Variants in GRIN2A observed in about 807,000 individuals in gnomAD.
The protein encoded by GRIN2A is glutamate receptor ionotropic, NMDA 2A.
A neutral mutation model predicts 113.4 loss-of-function variants in GRIN2A; 22 were observed. The ratio of observed to expected loss-of-function variants is 0.19; its 90% CI spans 0.14 to 0.28. GRIN2A has a LOEUF of 0.28. Among genes scored for constraint, GRIN2A ranks in the 10% least tolerant of loss-of-function variants. GRIN2A has a pLI of 1.00. For missense variants in GRIN2A, 1,502 were observed against 1,887.0 expected, an observed-to-expected ratio of 0.80 and a Z score of 3.78; for synonymous variants, 827 against 738.4, an observed-to-expected ratio of 1.12 and a Z score of -1.94.
chr16:9,930,167 C>CA (rs1024985382), intron 3 of GRIN2A, among the ~76,000 whole-genome samples: 1 of 152,156 alleles, frequency 6.6e-6, no homozygotes, highest in Admixed American at 6.5e-5. Context: ...CTCATGGGTC[C>CA]ATCAGGCCTA....
At chr16:10,036,078 A>G (rs912169490) in intron 2 of GRIN2A, among the ~76,000 whole-genome samples, 13 of 152,196 alleles carry the variant, frequency 8.5e-5, no homozygotes, top group Non-Finnish European at 1.8e-4. Flanking sequence ...GCTTTCAGGT[A>G]AAAACGATGA....
chr16:9,880,194 G>A (rs1472525355), intron 4 of GRIN2A, among the ~76,000 whole-genome samples: 2 of 152,050 alleles, frequency 1.3e-5, no homozygotes, highest in African/African-American at 4.8e-5. Context: ...TCAGATTGTT[G>A]GGCAAGCTCA....
chr16:9,778,046 C>T (rs1389458660), intron 11 of GRIN2A, among the ~76,000 whole-genome samples: 2 of 152,156 alleles, frequency 1.3e-5, no homozygotes, highest in African/African-American at 4.8e-5. Context: ...GCCTGGGCAA[C>T]AAGAGTGAAA....
chr16:9,877,854 C>T (rs550470674), intron 4 of GRIN2A, among the ~76,000 whole-genome samples: 4 of 94,938 alleles, frequency 4.2e-5, no homozygotes, highest in African/African-American at 2.4e-4. Flanking sequence ...CTCCCTAGCC[C>T]TCTCCCTGCC....
intron 2 of GRIN2A, among the ~76,000 whole-genome samples, chr16:10,106,381 T>G (rs990162046): frequency 8.6e-5 from 13 of 151,970 alleles, no homozygotes; most frequent in African/African-American, 3.1e-4. Context: ...GGCAATATAT[T>G]GAGACCCTGT....
intron 2 of GRIN2A, among the ~76,000 whole-genome samples, chr16:10,099,052 A>G (rs1171691588): frequency 6.6e-6 from 1 of 152,198 alleles, no homozygotes; most frequent in Non-Finnish European, 1.5e-5. Context: ...AATAATTTAG[A>G]AAATGCTCAA....
chr16:10,011,908 A>C (rs757575384), intron 2 of GRIN2A, among the ~76,000 whole-genome samples: 1 of 151,886 alleles, frequency 6.6e-6, no homozygotes, highest in African/African-American at 2.4e-5. Context: ...TCACCCTATA[A>C]CTCTTGTCTC....
intron 2 of GRIN2A, among the ~76,000 whole-genome samples, chr16:10,029,289 G>C (rs914503365): frequency 2.6e-5 from 4 of 152,038 alleles, no homozygotes; most frequent in African/African-American, 9.7e-5. Context: ...CCGCCTTCCA[G>C]GTTCAAGGGA....
At chr16:9,881,785 GTCTTTC>G (rs2043486101) in intron 4 of GRIN2A, among the ~76,000 whole-genome samples, 1 of 152,198 alleles carries the variant, frequency 6.6e-6, no homozygotes, top group African/African-American at 2.4e-5. Context: ...GGCTGCTATT[GTCTTTC>G]TAAGCAAAGA....
rs183826877 is a variant in GRIN2A, at chr16:9,977,326, C to T, written c.415-38775G>A. 1.3e-3 allele frequency among the ~76,000 whole-genome samples: 194 copies of T among 151,750 alleles called. 2 individuals are homozygous for T. Among genetic ancestry groups the T allele is most frequent in the African/African-American group, 4.3e-3 (176 of 41,308 alleles). On this transcript the variant is annotated intron_variant, in intron 2 of 12. Coordinates refer to ENST00000330684, the MANE Select transcript of GRIN2A (RefSeq NM_001134407.3). ...AAGGGGGGAGGGAGGGAGGACTGACCGGAGTTTGAATCCTGGGTTTATCAT... is the reference window on the plus strand; with the variant it reads ...AAGGGGGGAGGGAGGGAGGACTGACTGGAGTTTGAATCCTGGGTTTATCAT...
intron 2 of GRIN2A, among the ~76,000 whole-genome samples, chr16:10,076,372 C>T (rs996608742): frequency 6.6e-6 from 1 of 152,194 alleles, no homozygotes; most frequent in Non-Finnish European, 1.5e-5. Flanking sequence ...CACAAAACCC[C>T]TAGCCACAAT....
At chr16:10,023,543 T>G (rs958760520) in intron 2 of GRIN2A, among the ~76,000 whole-genome samples, 2 of 152,216 alleles carry the variant, frequency 1.3e-5, no homozygotes, top group Admixed American at 1.3e-4. Flanking sequence ...TTTTCTACTC[T>G]TACTGCTGAT....
At position 9,762,883 on chromosome 16, in the gene GRIN2A, G is replaced by A; in HGVS notation, c.*266C>T. ...CAACATACCCAGTAGGCATGTCCCG[G>A]AGACTTGCCCTTATGTAGTTAGTTA... On this transcript the variant is annotated 3_prime_UTR_variant, in exon 13 of 13. Coordinates refer to ENST00000330684, the MANE Select transcript of GRIN2A (RefSeq NM_001134407.3). 1 of 549,342 alleles carries A rather than the reference G, an allele frequency of 1.8e-6. No homozygotes were observed. Among genetic ancestry groups the A allele is most frequent in the South Asian group, 2.3e-5 (1 of 43,944 alleles). 34.0% of individuals were successfully genotyped at this position (549,342 alleles called of 1,614,324 possible).
intron 2 of GRIN2A, among the ~76,000 whole-genome samples, chr16:10,019,287 G>A (rs2046671726): frequency 6.6e-6 from 1 of 152,148 alleles, no homozygotes; most frequent in Non-Finnish European, 1.5e-5. Flanking sequence ...TTTGATACAT[G>A]AAAGCTACTG....
At chr16:10,067,022 A>T (rs984448913) in intron 2 of GRIN2A, among the ~76,000 whole-genome samples, 3 of 152,340 alleles carry the variant, frequency 2.0e-5, no homozygotes, top group African/African-American at 7.2e-5. Flanking sequence ...GTGGATGAAT[A>T]AATGAATGAG....
rs1567187672 is a variant in GRIN2A, at chr16:9,938,288, G to A, written c.678C>T (p.Val226=). Residue 226 remains valine, a synonymous_variant, in exon 3 of 13, where the codon GTC becomes GTT. Coordinates refer to ENST00000330684, the MANE Select transcript of GRIN2A (RefSeq NM_001134407.3). The part of the protein sequence containing the change: ...QVQLKKIHSS[V]ILLYCSKDEA... ...CGTCTTTGGAACAGTAGAGCAAGAT[G>A]ACAGAAGAGTGGATCTTCTTCAGCT... 3.1e-6 allele frequency: 5 copies of A among 1,613,768 alleles called. No homozygotes were observed. Among genetic ancestry groups the A allele is most frequent in the Admixed American group, 1.7e-5 (1 of 60,000 alleles).
intron 4 of GRIN2A, among the ~76,000 whole-genome samples, chr16:9,875,619 G>A (rs1291420589): frequency 1.3e-5 from 2 of 152,216 alleles, no homozygotes; most frequent in South Asian, 4.1e-4. Context: ...TGGAAAGAAA[G>A]TGAGAAGCAG....
chr16:9,910,932 T>A (rs1355990196), intron 3 of GRIN2A, among the ~76,000 whole-genome samples: 1 of 151,948 alleles, frequency 6.6e-6, no homozygotes, highest in African/African-American at 2.4e-5. Context: ...CCTGCTTCCA[T>A]GGAGTAAAGA....
intron 11 of GRIN2A, among the ~76,000 whole-genome samples, chr16:9,793,050 C>G (rs7197004): frequency 0.37 from 57,013 of 152,056 alleles, 11,565 homozygotes; most frequent in African/African-American, 0.54. Flanking sequence ...AAGATCCTCA[C>G]GTGATTCTTG....
Sources: allele counts gnomAD v4.1 joint callset (sites outside exome capture counted in the v4.1 genomes callset), GRCh38; gene constraint gnomAD v4.1.1; transcripts MANE v1.5; gene names NCBI Gene and HGNC (gene_info 2026-07-23, HGNC 2026-07-21).